The following INPP4B variants were observed in gnomAD, a reference collection of about 807,000 sequenced individuals.
INPP4B encodes inositol polyphosphate 4-phosphatase type II.
In INPP4B, 55 loss-of-function variants were observed where a neutral mutation model predicts 122.5. The ratio of observed to expected loss-of-function variants is 0.45; its 90% confidence interval spans 0.36 to 0.56. The LOEUF is 0.56. Ranked by LOEUF, INPP4B falls within the 20% of genes least tolerant of loss-of-function variation. The pLI is 0.00. For missense variants in INPP4B, 1,000 were observed against 1,097.7 expected, an observed-to-expected ratio of 0.91 and a Z score of 1.26; for synonymous variants, 403 against 388.7, an observed-to-expected ratio of 1.04 and a Z score of -0.43.
chr4:142,183,706 G>C (rs1340742408), intron 15 of INPP4B, among the ~76,000 whole-genome samples: 2 of 152,180 alleles, frequency 1.3e-5, no homozygotes, highest in Non-Finnish European at 2.9e-5. Flanking sequence ...ATACTTCTGA[G>C]ATAACATACT....
At chr4:142,201,628 G>A (rs939403921) in intron 14 of INPP4B, among the ~76,000 whole-genome samples, 4 of 151,824 alleles carry the variant, frequency 2.6e-5, no homozygotes, top group Admixed American at 6.6e-5. Context: ...ATTCTTAGCT[G>A]GGGCAGTTGT....
intron 2 of INPP4B, among the ~76,000 whole-genome samples, chr4:142,601,581 C>CA (rs200657551): frequency 0.065 from 6,089 of 93,792 alleles, 148 homozygotes; most frequent in African/African-American, 0.092. Context: ...ACTCCTATGT[C>CA]AAAAAAAAAA....
chr4:142,281,338 ATT>A (rs71586272), intron 9 of INPP4B, among the ~76,000 whole-genome samples: 7 of 145,900 alleles, frequency 4.8e-5, no homozygotes, highest in Non-Finnish European at 3.0e-5. Context: ...ATAGCTAAGC[ATT>A]TTTTTTTTTT....
At chr4:142,088,564 G>A (rs1293528999) in intron 23 of INPP4B, among the ~76,000 whole-genome samples, 1 of 152,128 alleles carries the variant, frequency 6.6e-6, no homozygotes, top group Admixed American at 6.5e-5. Context: ...CTTGGCATAT[G>A]TATATAGGCA....
chr4:142,159,929 G>C (rs1021475750), intron 17 of INPP4B, among the ~76,000 whole-genome samples: 1 of 151,920 alleles, frequency 6.6e-6, no homozygotes, highest in African/African-American at 2.4e-5. Context: ...GTCTATTGTC[G>C]TTTAAATGTG....
chr4:142,695,455 T>C (rs1434729082), intron 2 of INPP4B, among the ~76,000 whole-genome samples: 1 of 152,210 alleles, frequency 6.6e-6, no homozygotes, highest in East Asian at 1.9e-4. Context: ...TATTATTTCC[T>C]ATGTAAAACA....
At chr4:142,260,278 C>G (rs1229699851) in intron 11 of INPP4B, among the ~76,000 whole-genome samples, 1 of 152,134 alleles carries the variant, frequency 6.6e-6, no homozygotes, top group Non-Finnish European at 1.5e-5. Context: ...GCCACCGCGC[C>G]TGGCTGACCA....
rs543969264 is a variant in INPP4B at position 142,719,007 on chromosome 4, T to C, written c.-191+6832A>G. ...AAAGATGTAACATTTACATTAATATTTTCCTTGGTACAATGTGCTTCAGGA... is the reference window on the plus strand; with the variant it reads ...AAAGATGTAACATTTACATTAATATCTTCCTTGGTACAATGTGCTTCAGGA... On this transcript the variant is annotated intron_variant, in intron 2 of 25. Coordinates refer to ENST00000262992, the MANE Select transcript of INPP4B (RefSeq NM_001101669.3). Among the ~76,000 whole-genome samples, 36 of 152,330 alleles carry C rather than the reference T, an allele frequency of 2.4e-4. No homozygotes were observed. In the East Asian group the frequency reaches 4.4e-3, roughly 19 times the overall value.
At chr4:142,142,654 G>C (rs1808476596) in intron 18 of INPP4B, among the ~76,000 whole-genome samples, 1 of 152,060 alleles carries the variant, frequency 6.6e-6, no homozygotes, top group Non-Finnish European at 1.5e-5. Context: ...GATGTCATCA[G>C]AAGGACACAG....
chr4:142,474,022 ACATCCGGGCTG>A (rs1172679657), intron 2 of INPP4B, among the ~76,000 whole-genome samples: 2 of 151,372 alleles, frequency 1.3e-5, no homozygotes, highest in Non-Finnish European at 1.5e-5. Flanking sequence ...GTCCCAGGAA[ACATCCGGGCTG>A]CAGGGCAGGA....
chr4:142,760,763 T>C (rs964707503), intron 1 of INPP4B, among the ~76,000 whole-genome samples: 1 of 152,178 alleles, frequency 6.6e-6, no homozygotes, highest in Admixed American at 6.5e-5. Flanking sequence ...TGCTTTCTCT[T>C]TTGCCTTTGG....
chr4:142,570,702 A>C (rs1037496809), intron 2 of INPP4B, among the ~76,000 whole-genome samples: 1 of 152,182 alleles, frequency 6.6e-6, no homozygotes, highest in South Asian at 2.1e-4. Context: ...TTTTCAAATA[A>C]CAAAATGCTT....
intron 1 of INPP4B, among the ~76,000 whole-genome samples, chr4:142,809,491 G>A (rs963034603): frequency 2.0e-5 from 3 of 152,138 alleles, no homozygotes; most frequent in Non-Finnish European, 4.4e-5. Context: ...TAAGACAAAT[G>A]TTTGATGCTC....
chr4:142,314,151 C>T (rs1205908054), intron 8 of INPP4B, among the ~76,000 whole-genome samples: 2 of 152,184 alleles, frequency 1.3e-5, no homozygotes, highest in Non-Finnish European at 2.9e-5. Flanking sequence ...CCACCGCCTA[C>T]TCTAGCCTTG....
intron 1 of INPP4B, among the ~76,000 whole-genome samples, chr4:142,764,584 T>C (rs1771808984): frequency 6.6e-6 from 1 of 152,160 alleles, no homozygotes; most frequent in South Asian, 2.1e-4. Flanking sequence ...GCTGTTCTCC[T>C]AGGAACATAT....
chr4:142,654,276 C>T (rs35288251), intron 2 of INPP4B, among the ~76,000 whole-genome samples: 4,843 of 146,112 alleles, frequency 0.033, 96 homozygotes, highest in Middle Eastern at 0.053. Context: ...ATGTAAATGA[C>T]GAGTTGATGG....
chr4:142,715,989 C>T (rs1763706945), intron 2 of INPP4B, among the ~76,000 whole-genome samples: 1 of 152,162 alleles, frequency 6.6e-6, no homozygotes, highest in African/African-American at 2.4e-5. Flanking sequence ...GACTTTCTCA[C>T]AACATGATAG....
At chr4:142,536,229 T>C (rs1177897265) in intron 2 of INPP4B, among the ~76,000 whole-genome samples, 1 of 60,362 alleles carries the variant, frequency 1.7e-5, no homozygotes, top group Non-Finnish European at 5.9e-5. Flanking sequence ...ACTTGGTTCA[T>C]GAAATTGAAC....
chr4:142,677,350 C>T (rs1487853636), intron 2 of INPP4B, among the ~76,000 whole-genome samples: 1 of 152,052 alleles, frequency 6.6e-6, no homozygotes, highest in African/African-American at 2.4e-5. Context: ...ACAACAGATG[C>T]TGGAGAGGGT....
Sources: allele counts gnomAD v4.1 joint callset (sites outside exome capture counted in the v4.1 genomes callset), GRCh38; gene constraint gnomAD v4.1.1; transcripts MANE v1.5; gene names NCBI Gene and HGNC (gene_info 2026-07-23, HGNC 2026-07-21).